The following DLGAP1 variants were observed in gnomAD, a reference collection of about 807,000 sequenced individuals.
DLGAP1 encodes disks large-associated protein 1.
Under a neutral mutation model 90.8 loss-of-function variants are expected in DLGAP1, and 11 were observed. The ratio of observed to expected loss-of-function variants is 0.12; its 90% CI spans 0.08 to 0.20. The LOEUF (loss-of-function observed/expected upper bound fraction) is 0.20. Ranked by LOEUF, DLGAP1 falls within the 10% of genes least tolerant of loss-of-function variation. The pLI is 1.00. For synonymous variants in DLGAP1, 558 were observed against 540.7 expected, an observed-to-expected ratio of 1.03 and a Z score of -0.44; for missense variants, 1,050 against 1,333.8, an observed-to-expected ratio of 0.79 and a Z score of 3.31.
chr18:3,917,703 C>T (rs778879464), intron 3 of DLGAP1, among the ~76,000 whole-genome samples: 5 of 151,988 alleles, frequency 3.3e-5, no homozygotes, highest in South Asian at 2.1e-4. Context: ...GTGAGGCATA[C>T]GTTGGATGAT....
chr18:3,617,380 C>A (rs2057911391), intron 7 of DLGAP1, among the ~76,000 whole-genome samples: 2 of 152,078 alleles, frequency 1.3e-5, no homozygotes, highest in Admixed American at 1.3e-4. Flanking sequence ...AGGTGGATCA[C>A]CTGAGGTCAG....
intron 3 of DLGAP1, among the ~76,000 whole-genome samples, chr18:3,994,969 G>A (rs928944526): frequency 1.3e-5 from 2 of 152,180 alleles, no homozygotes; most frequent in African/African-American, 4.8e-5. Context: ...CCTGTTCTGA[G>A]TCTGAGGTGT....
At chr18:4,001,470 AT>A (rs2074184161) in intron 3 of DLGAP1, among the ~76,000 whole-genome samples, 2 of 151,690 alleles carry the variant, frequency 1.3e-5, no homozygotes, top group Non-Finnish European at 2.9e-5. Context: ...TTCGATGGCC[AT>A]TTTTTTCTTT....
intron 3 of DLGAP1, among the ~76,000 whole-genome samples, chr18:3,888,866 A>G (rs776208843): frequency 1.2e-4 from 19 of 152,200 alleles, no homozygotes; most frequent in Non-Finnish European, 2.4e-4. Flanking sequence ...TGCTGACTCT[A>G]TGGGACCTCG....
At chr18:3,874,383 A>G (rs1010380756) in intron 4 of DLGAP1, 1 of 1,467,974 alleles carries the variant, frequency 6.8e-7, no homozygotes. Flanking sequence ...AATGCAAAAT[A>G]CACTGTTTGA....
At chr18:3,629,674 A>G (rs1036129399) in intron 7 of DLGAP1, among the ~76,000 whole-genome samples, 1 of 151,950 alleles carries the variant, frequency 6.6e-6, no homozygotes, top group Non-Finnish European at 1.5e-5. Context: ...TCTGTCTCAA[A>G]AAATAAATAA....
intron 10 of DLGAP1, among the ~76,000 whole-genome samples, chr18:3,533,959 T>G (rs2052171896): frequency 6.6e-6 from 1 of 152,128 alleles, no homozygotes; most frequent in Admixed American, 6.5e-5. Context: ...AAGAACGTCA[T>G]GGGCCTAGAG....
At chr18:3,821,807 T>A (rs2067434845) in intron 4 of DLGAP1, 1 of 692,046 alleles carries the variant, frequency 1.4e-6, no homozygotes, top group Non-Finnish European at 1.8e-6. Context: ...GGACTTTAGG[T>A]TCCTGCCTAC....
chr18:3,802,132 G>A (rs906551173), intron 5 of DLGAP1, among the ~76,000 whole-genome samples: 1 of 152,044 alleles, frequency 6.6e-6, no homozygotes, highest in Admixed American at 6.6e-5. Flanking sequence ...CTACAGGTGT[G>A]TGCCACCATG....
intron 1 of DLGAP1, among the ~76,000 whole-genome samples, chr18:4,208,651 T>C (rs1466156711): frequency 6.6e-6 from 1 of 152,170 alleles, no homozygotes; most frequent in Non-Finnish European, 1.5e-5. Context: ...AATAAATTTT[T>C]ATTTTCACCA....
At chr18:3,613,253 T>C (rs572605552) in intron 7 of DLGAP1, among the ~76,000 whole-genome samples, 1 of 152,296 alleles carries the variant, frequency 6.6e-6, no homozygotes, top group East Asian at 1.9e-4. Context: ...TAAGTAATAT[T>C]AGATATAAAA....
chr18:3,881,194 G>A (rs7230016), intron 3 of DLGAP1, among the ~76,000 whole-genome samples: 122 of 151,362 alleles, frequency 8.1e-4, no homozygotes, highest in African/African-American at 2.6e-3. Context: ...GCACGATCTC[G>A]GCTCACTGCA....
At chr18:3,549,878 G>A (rs2053280518) in intron 9 of DLGAP1, among the ~76,000 whole-genome samples, 1 of 151,978 alleles carries the variant, frequency 6.6e-6, no homozygotes, top group African/African-American at 2.4e-5. Context: ...TGTATTTGGA[G>A]ATAGGACCTT....
intron 4 of DLGAP1, among the ~76,000 whole-genome samples, chr18:3,854,203 C>T (rs920366899): frequency 1.3e-5 from 2 of 152,140 alleles, no homozygotes; most frequent in African/African-American, 4.8e-5. Flanking sequence ...GGTTGAATGA[C>T]TTTTCCTAAA....
At chr18:4,304,543 C>A (rs1183870007) in intron 1 of DLGAP1, among the ~76,000 whole-genome samples, 2 of 152,238 alleles carry the variant, frequency 1.3e-5, no homozygotes, top group African/African-American at 4.8e-5. Context: ...CTTGTCACTA[C>A]TGCAGATTTT....
At chr18:3,903,427 A>T (rs762919820) in intron 3 of DLGAP1, among the ~76,000 whole-genome samples, 10 of 152,228 alleles carry the variant, frequency 6.6e-5, no homozygotes, top group Non-Finnish European at 1.5e-5. Flanking sequence ...TTTTAGAAGC[A>T]GGAAAATTGA....
chr18:3,837,757 C>A (rs2148610390), intron 4 of DLGAP1, among the ~76,000 whole-genome samples: 1 of 141,230 alleles, frequency 7.1e-6, no homozygotes, highest in South Asian at 2.3e-4. Context: ...GGGGCTAAGG[C>A]ACGAGAATTG....
At chr18:4,176,556 T>C (rs1020689900) in intron 1 of DLGAP1, among the ~76,000 whole-genome samples, 1 of 152,192 alleles carries the variant, frequency 6.6e-6, no homozygotes, top group Non-Finnish European at 1.5e-5. Flanking sequence ...GGTCTTACCC[T>C]TATTCAGATC....
At chr18:3,573,437 A>C (rs939433504) in intron 8 of DLGAP1, among the ~76,000 whole-genome samples, 4 of 152,130 alleles carry the variant, frequency 2.6e-5, no homozygotes, top group African/African-American at 9.7e-5. Flanking sequence ...AGGAGATGGA[A>C]GTTACAGTGA....
Sources: allele counts gnomAD v4.1 joint callset (sites outside exome capture counted in the v4.1 genomes callset), GRCh38; gene constraint gnomAD v4.1.1; transcripts MANE v1.5; gene names NCBI Gene and HGNC (gene_info 2026-07-23, HGNC 2026-07-21).